RBFOX1: variants seen among roughly 807,000 people sequenced by gnomAD.
RBFOX1 encodes RNA binding protein fox-1 homolog 1.
RBFOX1 carries 8 observed loss-of-function variants against 57.7 expected under a neutral mutation model. The observed-to-expected ratio is 0.14, with a 90% confidence interval of 0.08 to 0.25. The LOEUF (loss-of-function observed/expected upper bound fraction) is 0.25. RBFOX1 is among the 10% of genes least tolerant of loss of function. RBFOX1 has a pLI of 1.00. For missense variants in RBFOX1, 611 were observed against 548.5 expected (o/e 1.11, Z -1.14); for synonymous variants, 326 against 222.4 (o/e 1.47, Z -4.15).
At chr16:6,226,270 G>A (rs2097417028) in intron 1 of RBFOX1, among the ~76,000 whole-genome samples, 1 of 150,220 alleles carries the variant, frequency 6.7e-6, no homozygotes, top group African/African-American at 2.4e-5. Flanking sequence ...GTACTCGGGA[G>A]GCTGAGGCAG....
chr16:6,145,720 T>C (rs2096752969), intron 1 of RBFOX1, among the ~76,000 whole-genome samples: 1 of 152,164 alleles, frequency 6.6e-6, no homozygotes, highest in South Asian at 2.1e-4. Context: ...CATACGTCCA[T>C]TATTTAAAAC....
rs546153515 is a variant in RBFOX1 at position 6,499,103 on chromosome 16, T to G, written c.-63-155500T>G. Among the ~76,000 whole-genome samples, 15 of 152,342 alleles carry G rather than the reference T, an allele frequency of 9.8e-5. No homozygotes were observed. The South Asian group carries it at 3.1e-3, about 32-fold the overall frequency. On this transcript the variant is annotated intron_variant, in intron 2 of 15. Transcript: ENST00000550418. Reference sequence around the variant, plus strand: ...TTTATTCAGCTCCGTGGAGCACTTTTCAGGGAAAAAGAAATTATCAGCCAG... The same window carrying G: ...TTTATTCAGCTCCGTGGAGCACTTTGCAGGGAAAAAGAAATTATCAGCCAG...
chr16:7,416,057 C>G (rs1361344889), intron 4 of RBFOX1, among the ~76,000 whole-genome samples: 2 of 152,130 alleles, frequency 1.3e-5, no homozygotes, highest in Non-Finnish European at 2.9e-5. Flanking sequence ...CTCTTTTTCT[C>G]TTCTTGTCCT....
At position 7,062,892 on chromosome 16, in the gene RBFOX1, C is replaced by CTTT. The variant is rs1491558284; in HGVS notation, c.27+10794_27+10795insTTT. On this transcript the variant is annotated intron_variant, in intron 4 of 15. Coordinates refer to ENST00000550418, the MANE Select transcript of RBFOX1 (RefSeq NM_018723.4). ...TACCTCATCTCATTCAAATGATCGC[C>CTTT]ATTTTTTTTTTTTTTTTTTTTTTTT... 7.1e-3 allele frequency among the ~76,000 whole-genome samples: 425 copies of CTTT among 59,924 alleles called. 49 individuals carry two copies. The highest frequency in any genetic ancestry group is 8.9e-3 in the African/African-American group (164 of 18,518). 39.3% of individuals were successfully genotyped at this position (59,924 alleles called of 152,430 possible).
chr16:6,711,932 A>G (rs2063783992), intron 3 of RBFOX1, among the ~76,000 whole-genome samples: 1 of 152,150 alleles, frequency 6.6e-6, no homozygotes, highest in Admixed American at 6.5e-5. Flanking sequence ...GCCTTCTCCT[A>G]CATTTCTTGT....
intron 4 of RBFOX1, among the ~76,000 whole-genome samples, chr16:7,477,033 CT>C (rs1862370344): frequency 1.3e-5 from 2 of 152,184 alleles, no homozygotes; most frequent in Admixed American, 1.3e-4. Context: ...TGCTGTCAGG[CT>C]GGAACCGTGG....
chr16:6,333,094 C>T (rs1320015284), intron 2 of RBFOX1, among the ~76,000 whole-genome samples: 2 of 151,986 alleles, frequency 1.3e-5, no homozygotes, highest in East Asian at 1.9e-4. Flanking sequence ...GGCTGGAGTG[C>T]GGTGGCATGA....
chr16:5,948,873 G>T (rs181620533), intron 4 of RBFOX1, among the ~76,000 whole-genome samples: 4 of 152,268 alleles, frequency 2.6e-5, no homozygotes, highest in Admixed American at 2.0e-4. Flanking sequence ...CAAGGACAGG[G>T]GCACTGCCAT....
chr16:5,244,393 G>T (rs560633808), intron 1 of RBFOX1, among the ~76,000 whole-genome samples: 134 of 152,264 alleles, frequency 8.8e-4, no homozygotes, highest in African/African-American at 2.7e-3. Context: ...CACCACATCC[G>T]CCTGGTTCTC....
rs79260728 is a variant in RBFOX1 at position 7,409,894 on chromosome 16, C to A, written c.28-108253C>A. On this transcript the variant is annotated intron_variant, in intron 4 of 15. Coordinates refer to ENST00000550418, the MANE Select transcript of RBFOX1 (RefSeq NM_018723.4). Reference sequence around the variant, plus strand: ...GAAGTGTGGAAAAATGGAGTTCCGGCAATGTCTTAAATGAGGGGAGGGGTC... The same window carrying A: ...GAAGTGTGGAAAAATGGAGTTCCGGAAATGTCTTAAATGAGGGGAGGGGTC... 4.6e-3 allele frequency among the ~76,000 whole-genome samples: 706 copies of A among 152,234 alleles called. 4 individuals carry two copies. The highest frequency in any genetic ancestry group is 0.016 in the African/African-American group (648 of 41,542).
At chr16:6,062,823 G>A (rs1230323651) in intron 1 of RBFOX1, among the ~76,000 whole-genome samples, 2 of 152,094 alleles carry the variant, frequency 1.3e-5, no homozygotes, top group Non-Finnish European at 2.9e-5. Context: ...TATGAAATTT[G>A]TAGGGCAGAT....
chr16:7,201,365 G>A (rs921729133), intron 4 of RBFOX1, among the ~76,000 whole-genome samples: 1 of 152,162 alleles, frequency 6.6e-6, no homozygotes, highest in African/African-American at 2.4e-5. Context: ...CTCCTATTGT[G>A]GGCTATGTTA....
intron 3 of RBFOX1, among the ~76,000 whole-genome samples, chr16:5,653,589 T>C (rs867913615): frequency 1.8e-4 from 28 of 152,294 alleles, no homozygotes; most frequent in African/African-American, 6.5e-4. Flanking sequence ...TGCCTCTCCC[T>C]GACCTCCTTT....
chr16:6,240,097 A>G (rs1314817724), intron 1 of RBFOX1, among the ~76,000 whole-genome samples: 4 of 151,992 alleles, frequency 2.6e-5, no homozygotes, highest in Admixed American at 2.0e-4. Context: ...TCCTTTTTCC[A>G]TCATTGCCAT....
chr16:7,524,541 A>C (rs1037515595), intron 5 of RBFOX1, among the ~76,000 whole-genome samples: 1 of 152,228 alleles, frequency 6.6e-6, no homozygotes, highest in Non-Finnish European at 1.5e-5. Flanking sequence ...ATGTATCTCC[A>C]ACAGCAACTT....
intron 5 of RBFOX1, among the ~76,000 whole-genome samples, chr16:7,560,925 G>C (rs2090181650): frequency 6.6e-6 from 1 of 152,128 alleles, no homozygotes; most frequent in Non-Finnish European, 1.5e-5. Context: ...ATTCCCGTCT[G>C]GCCGAATTAT....
At chr16:6,662,348 A>G (rs1201744598) in intron 3 of RBFOX1, among the ~76,000 whole-genome samples, 1 of 152,206 alleles carries the variant, frequency 6.6e-6, no homozygotes, top group African/African-American at 2.4e-5. Flanking sequence ...TAATCATTTC[A>G]TGATATACAC....
At chr16:5,436,693 C>A (rs2067928124) in intron 1 of RBFOX1, among the ~76,000 whole-genome samples, 1 of 151,966 alleles carries the variant, frequency 6.6e-6, no homozygotes, top group South Asian at 2.1e-4. Flanking sequence ...CAAAAATTAG[C>A]TGGGTGTGGT....
chr16:5,966,007 C>G (rs111435573), intron 4 of RBFOX1, among the ~76,000 whole-genome samples: 76 of 152,318 alleles, frequency 5.0e-4, no homozygotes, highest in African/African-American at 1.7e-3. Flanking sequence ...CCAACAGTTT[C>G]CTCTTCATAC....
Sources: gnomAD v4.1 joint callset for allele counts (sites outside exome capture counted in the v4.1 genomes callset) on GRCh38, gnomAD v4.1.1 for gene constraint, MANE v1.5 for transcripts, NCBI Gene and HGNC (gene_info 2026-07-23, HGNC 2026-07-21) for gene names.